The following TC2N variants were observed in gnomAD, a reference collection of about 807,000 sequenced individuals.
TC2N encodes tandem C2 domains nuclear protein.
Under a neutral mutation model 61.9 loss-of-function variants are expected in TC2N, and 51 were observed. The ratio of observed to expected loss-of-function variants is 0.82; its 90% CI spans 0.66 to 1.04. TC2N has a LOEUF of 1.04. Among genes scored for constraint, TC2N ranks in the 50% least tolerant of loss-of-function variants. The pLI is 0.00. For synonymous variants in TC2N, 204 were observed against 192.6 expected, an observed-to-expected ratio of 1.06 and a Z score of -0.49; for missense variants, 556 against 566.7, an observed-to-expected ratio of 0.98 and a Z score of 0.19.
chr14:91,857,505 C>A (rs2139923732), intron 1 of TC2N, among the ~76,000 whole-genome samples: 1 of 152,246 alleles, frequency 6.6e-6, no homozygotes, highest in Non-Finnish European at 1.5e-5. Context: ...CTTTCTCAGA[C>A]AATAGGGAAG....
chr14:91,841,684 C>T (rs1888166305), intron 1 of TC2N, among the ~76,000 whole-genome samples: 1 of 152,188 alleles, frequency 6.6e-6, no homozygotes, highest in African/African-American at 2.4e-5. Context: ...GGTACCACTC[C>T]AGCAGTTAGA....
At chr14:91,853,961 A>G (rs1888429200) in intron 1 of TC2N, among the ~76,000 whole-genome samples, 1 of 152,212 alleles carries the variant, frequency 6.6e-6, no homozygotes, top group African/African-American at 2.4e-5. Flanking sequence ...CGTGTAACCT[A>G]GTAAGAATAT....
Position 91,837,956 on chromosome 14 carries a change from T to A in TC2N, c.-56-24131A>T, listed in dbSNP as rs141449322. On this transcript the variant is annotated intron_variant, in intron 1 of 11. Transcript: ENST00000435962. The surrounding 1 kb of genome is among the most constrained non-coding windows in gnomAD (Gnocchi z 4.2). ...GTTGTGCACTGTTCACACAAAACTT[T>A]CATGAGTCATCTCATTTAATCCTGG... Among the ~76,000 whole-genome samples, 69 of 152,332 alleles carry A rather than the reference T, an allele frequency of 4.5e-4. No homozygotes were observed. Among genetic ancestry groups the A allele is most frequent in the African/African-American group, 1.6e-3 (68 of 41,570 alleles).
Position 91,812,533 on chromosome 14 carries a change from C to G in TC2N, c.80G>C (p.Arg27Thr). The change falls in exon 3 of 12, where the codon AGA (arginine) becomes ACA (threonine). Residue 27 changes from arginine (R) to threonine (T), a missense_variant. Physicochemically the swap from Arg to Thr is moderately conservative, Grantham distance 71. Coordinates refer to ENST00000435962, the MANE Select transcript of TC2N (RefSeq NM_001128596.3). ...ATTTGGGACTGCTGCTTTAAAATCT[C>G]TTTCCACAGAAACTGCATATAAAAG... ...ETEKHNFSVE[R>T]DFKAAVPNSQ... The G allele has an allele frequency of 6.4e-7, 1 of 1,568,992 alleles. No individual in the cohort carries two copies. The highest frequency in any genetic ancestry group is 8.7e-7 in the Non-Finnish European group (1 of 1,147,054).
chr14:91,805,709 G>T (rs978033199), intron 3 of TC2N, among the ~76,000 whole-genome samples: 4 of 152,020 alleles, frequency 2.6e-5, no homozygotes, highest in Non-Finnish European at 5.9e-5. Context: ...TAAGCTAAGG[G>T]TGATTTATTG....
chr14:91,853,375 T>C (rs12434599), intron 1 of TC2N, among the ~76,000 whole-genome samples: 73,938 of 151,516 alleles, frequency 0.49, 18,316 homozygotes, highest in African/African-American at 0.57. Flanking sequence ...GGTTAAATGA[T>C]ATATACACAG....
At chr14:91,793,237 G>A (rs539699965) in intron 8 of TC2N, among the ~76,000 whole-genome samples, 93 of 152,164 alleles carry the variant, frequency 6.1e-4, no homozygotes, top group Non-Finnish European at 1.1e-3. Context: ...TTTTTAAATC[G>A]TTGGCTTACT....
At chr14:91,845,749 T>C (rs1232065697) in intron 1 of TC2N, among the ~76,000 whole-genome samples, 1 of 152,212 alleles carries the variant, frequency 6.6e-6, no homozygotes, top group African/African-American at 2.4e-5. Context: ...CCATGAAGAC[T>C]GCTTCTTTTT....
At chr14:91,798,876 C>A (rs1169495176) in intron 6 of TC2N, 113 bp downstream of exon 6, 6 of 649,986 alleles carry the variant, frequency 9.2e-6, no homozygotes, top group South Asian at 2.1e-5. Flanking sequence ...TTTATTATAT[C>A]AACATAGTAG....
At chr14:91,865,259 TTAAGAACCATTAG>T (rs749047252) in intron 1 of TC2N, among the ~76,000 whole-genome samples, 37 of 152,220 alleles carry the variant, frequency 2.4e-4, no homozygotes, top group South Asian at 6.2e-4. Context: ...AGATTCATTA[TTAAGAACCATTAG>T]TAAGTCAAAC....
chr14:91,823,065 T>C (rs888816482), intron 1 of TC2N, among the ~76,000 whole-genome samples: 1 of 150,806 alleles, frequency 6.6e-6, no homozygotes, highest in Non-Finnish European at 1.5e-5. Flanking sequence ...CATACATACA[T>C]GAAAACATGA....
intron 1 of TC2N, among the ~76,000 whole-genome samples, chr14:91,831,688 C>A (rs1344091979): frequency 6.6e-6 from 1 of 152,096 alleles, no homozygotes; most frequent in South Asian, 2.1e-4. Flanking sequence ...ACTGGACCCC[C>A]ACTTCACACC....
At chr14:91,853,938 G>A (rs1888428612) in intron 1 of TC2N, among the ~76,000 whole-genome samples, 1 of 152,004 alleles carries the variant, frequency 6.6e-6, no homozygotes, top group African/African-American at 2.4e-5. Flanking sequence ...TAAGTACTGA[G>A]TTTCAAAATA....
At chr14:91,857,979 T>TTTTTGAGA (rs548273256) in intron 1 of TC2N, among the ~76,000 whole-genome samples, 286 of 152,128 alleles carry the variant, frequency 1.9e-3, no homozygotes, top group Middle Eastern at 6.8e-3. Context: ...GTTTGTTTGT[T>TTTTTGAGA]TTTTGAGATA....
intron 1 of TC2N, among the ~76,000 whole-genome samples, chr14:91,852,508 A>G (rs1458417606): frequency 6.6e-6 from 1 of 152,212 alleles, no homozygotes; most frequent in Non-Finnish European, 1.5e-5. Context: ...TTCCTAAAGC[A>G]AAGATTGTTG....
rs1885116050 is a variant in TC2N at position 91,781,301 on chromosome 14, A to C, written c.*1799T>G. ...AGGATGTTTAGGGCAGCGAAACTAT[A>C]CTATATTATAATGATGCATACATAT... On this transcript the variant is annotated 3_prime_UTR_variant, in exon 12 of 12. Coordinates refer to ENST00000435962, the MANE Select transcript of TC2N (RefSeq NM_001128596.3). 1 of 152,132 alleles carries C rather than the reference A, an allele frequency of 6.6e-6. No homozygotes were observed. Among genetic ancestry groups the C allele is most frequent in the Non-Finnish European group, 1.5e-5 (1 of 67,962 alleles). The allele number at this position is 152,132 out of a possible 1,614,324, so 9.4% of individuals were successfully genotyped here.
At chr14:91,838,355 A>G (rs1464142685) in intron 1 of TC2N, among the ~76,000 whole-genome samples, 1 of 152,104 alleles carries the variant, frequency 6.6e-6, no homozygotes, top group Admixed American at 6.5e-5. Context: ...TTTGCTGTCC[A>G]GGCTGGTCTG....
chr14:91,849,910 G>A (rs985597105), intron 1 of TC2N, among the ~76,000 whole-genome samples: 4 of 152,066 alleles, frequency 2.6e-5, no homozygotes, highest in East Asian at 1.9e-4. Context: ...TTAGCTGGGC[G>A]TGGTGGCATG....
intron 3 of TC2N, among the ~76,000 whole-genome samples, chr14:91,808,477 A>G (rs1340693145): frequency 6.6e-6 from 1 of 152,212 alleles, no homozygotes; most frequent in African/African-American, 2.4e-5. Context: ...TATTGATAGC[A>G]GTCTGCTCTA....
Sources: gnomAD v4.1 joint callset for allele counts (sites outside exome capture counted in the v4.1 genomes callset) on GRCh38, gnomAD v4.1.1 for gene constraint, Gnocchi (gnomAD v3.1) non-coding constraint, MANE v1.5 for transcripts, NCBI Gene and HGNC (gene_info 2026-07-23, HGNC 2026-07-21) for gene names.